Variants in PLXNB2 observed in about 807,000 individuals in gnomAD.
PLXNB2 encodes the protein plexin-B2.
Under a neutral mutation model 202.6 loss-of-function variants are expected in PLXNB2, and 85 were observed. That is an observed-to-expected ratio of 0.42 (90% CI 0.35 to 0.50). The LOEUF (loss-of-function observed/expected upper bound fraction) is 0.50. PLXNB2 is among the 20% of genes least tolerant of loss of function. The pLI, the probability that PLXNB2 is intolerant of heterozygous loss-of-function variation, is 0.02. For missense variants in PLXNB2, 2,063 were observed against 2,586.2 expected, an observed-to-expected ratio of 0.80 and a Z score of 4.39; for synonymous variants, 1,239 against 1,137.6, an observed-to-expected ratio of 1.09 and a Z score of -1.79.
chr22:50,280,407 C>T, intron 25 of PLXNB2, 82 bp downstream of exon 25: 1 of 1,357,070 alleles, frequency 7.4e-7, no homozygotes, highest in Non-Finnish European at 9.9e-7. Flanking sequence ...GCCCAACAGG[C>T]CGCTGTGCCA....
rs1378857092 is a variant in PLXNB2 at position 50,275,243 on chromosome 22, G to A, written c.*461C>T. The A allele has an allele frequency of 1.3e-5, 5 of 370,964 alleles. No individual in the cohort carries two copies. Among genetic ancestry groups the A allele is most frequent in the East Asian group, 7.6e-5 (1 of 13,206 alleles). The allele number at this position is 370,964 out of a possible 1,614,324, so 23.0% of individuals were successfully genotyped here. A position where few individuals can be genotyped will look rare whatever the true frequency, so the allele number is the denominator to read the frequency against. The stretch of plus-strand genomic sequence containing the variant: ...AGGCCGGTGAGGTCAGGAAGGCATC[G>A]TACCGCTTTTTCTCCTCCTCCCATC... On this transcript the variant is annotated 3_prime_UTR_variant, in exon 37 of 37. Coordinates refer to ENST00000359337, the MANE Select transcript of PLXNB2 (RefSeq NM_012401.4).
At chr22:50,298,087 C>A (rs2067403956) in intron 1 of PLXNB2, among the ~76,000 whole-genome samples, 1 of 152,242 alleles carries the variant, frequency 6.6e-6, no homozygotes, top group Admixed American at 6.5e-5. Context: ...CCTGCCCCAA[C>A]AAGTCCAAAC....
intron 1 of PLXNB2, among the ~76,000 whole-genome samples, chr22:50,301,986 C>G (rs1240391238): frequency 6.6e-6 from 1 of 152,240 alleles, no homozygotes; most frequent in Non-Finnish European, 1.5e-5. Context: ...ACCCAGAACT[C>G]GTCCCCAGTA....
In PLXNB2 at chr22:50,284,287, C is replaced by T; in HGVS notation, c.2182-74G>A. 7.1e-7 allele frequency: 1 copy of T among 1,404,576 alleles called. No individual in the cohort carries two copies. The highest frequency in any genetic ancestry group is 1.0e-6 in the Non-Finnish European group (1 of 995,268). The allele number at this position is 1,404,576 out of a possible 1,614,324, so 87.0% of individuals were successfully genotyped here. On this transcript the variant is annotated intron_variant, in intron 12 of 36. Coordinates refer to ENST00000359337, the MANE Select transcript of PLXNB2 (RefSeq NM_012401.4). The surrounding 1 kb of genome is among the most constrained non-coding windows in gnomAD (Gnocchi z 8.0). ...CGTGGGGCGGGGGTCACAAGGGCAG[C>T]CTCCCTGTGGCCACCGGGTCCCTTC...
chr22:50,277,832 G>A (rs766494089), intron 32 of PLXNB2, 21 bp downstream of exon 32: 55 of 1,608,152 alleles, frequency 3.4e-5, no homozygotes, highest in South Asian at 7.7e-5. Flanking sequence ...GCTGGGCCGC[G>A]GGGTGGGTGT....
rs1356074125 is a variant in PLXNB2 at position 50,284,635 on chromosome 22, G to C, written c.2119C>G (p.Leu707Val). The change falls in exon 12 of 37, where the codon CTC becomes GTC. Residue 707 changes from leucine to valine, a missense_variant. Coordinates refer to ENST00000359337, the MANE Select transcript of PLXNB2 (RefSeq NM_012401.4). The surrounding 1 kb of genome is among the most constrained non-coding windows in gnomAD (Gnocchi z 8.0). Reference sequence around the variant, plus strand: ...ATGGTCACCGGCTCCATGAACTTGAGCAAGTCACTGCCCACGTGCAGGGAG... The same window carrying C: ...ATGGTCACCGGCTCCATGAACTTGACCAAGTCACTGCCCACGTGCAGGGAG... ...GSSLHVGSDLLKFMEPVTMQE... is the reference protein window; with the variant it reads ...GSSLHVGSDLVKFMEPVTMQE... 2 of 1,612,686 alleles carry C rather than the reference G, an allele frequency of 1.2e-6. No homozygotes were observed.
intron 27 of PLXNB2, among the ~76,000 whole-genome samples, chr22:50,279,229 G>A (rs1429183176): frequency 6.6e-6 from 1 of 152,160 alleles, no homozygotes; most frequent in African/African-American, 2.4e-5. Flanking sequence ...GACGGGGACG[G>A]CTCAGAACCG....
At chr22:50,278,052 G>A (rs769904329) in intron 31 of PLXNB2, 39 bp from the exon 32 acceptor site, 33 of 1,597,070 alleles carry the variant, frequency 2.1e-5, no homozygotes, top group South Asian at 8.8e-5. Flanking sequence ...CCGTGGGCGC[G>A]GCTCCTGGGG....
Position 50,288,328 on chromosome 22 carries a change from G to A in PLXNB2, c.1381-291C>T, listed in dbSNP as rs2066619752. Reference sequence around the variant, plus strand: ...GGGTGCTCCTAGGGCTGGCCTGAGGGTCTCTGGCACTAACCCCCCACAAGC... The same window carrying A: ...GGGTGCTCCTAGGGCTGGCCTGAGGATCTCTGGCACTAACCCCCCACAAGC... On this transcript the variant is annotated intron_variant, in intron 5 of 36. Coordinates refer to ENST00000359337, the MANE Select transcript of PLXNB2 (RefSeq NM_012401.4). This position sits in a 1 kb window ranked among gnomAD's most constrained non-coding sequence, Gnocchi z 5.0. 6.6e-6 allele frequency among the ~76,000 whole-genome samples: 1 copy of A among 152,056 alleles called. No individual in the cohort carries two copies. The highest frequency in any genetic ancestry group is 6.5e-5 in the Admixed American group (1 of 15,272).
In PLXNB2 at chr22:50,287,982, C is replaced by T. The variant is rs773103653; in HGVS notation, c.1436G>A (p.Arg479His). 1.9e-5 allele frequency: 30 copies of T among 1,582,816 alleles called. No individual in the cohort carries two copies. Among genetic ancestry groups the T allele is most frequent in the East Asian group, 1.2e-4 (5 of 42,804 alleles). ...CLSYPTCTQC[R>H]DSQDPYCGWC... Reference sequence around the variant, plus strand: ...GCCGCAGTAGGGGTCCTGGGAGTCGCGGCACTGGGTGCAGGTCGGGTAGCT... The same window carrying T: ...GCCGCAGTAGGGGTCCTGGGAGTCGTGGCACTGGGTGCAGGTCGGGTAGCT... The change falls in exon 6 of 37, where the codon CGC becomes CAC. Residue 479 changes from arginine to histidine, a missense_variant. By Grantham distance (29) the Arg-to-His change is conservative. This residue lies in a region of PLXNB2 where 1,303 missense variants were observed against 1,476.8 expected (regional missense o/e 0.88). Transcript: ENST00000359337.
In PLXNB2 at chr22:50,283,711, T is replaced by G. The variant is rs780232837; in HGVS notation, c.2461A>C (p.Ile821Leu). Reference sequence around the variant, plus strand: ...CCCAAATTGGACCCCAGGATGGTGATGCGGATGCCCCCACCCAGGGGGCCC... The same window carrying G: ...CCCAAATTGGACCCCAGGATGGTGAGGCGGATGCCCCCACCCAGGGGGCCC... ...ETGPLGGGIR[I>L]TILGSNLGVQ... is the part of the protein sequence containing the mutation. The change falls in exon 15 of 37, where the codon ATC (isoleucine) becomes CTC (leucine). Residue 821 changes from isoleucine (I) to leucine (L), a missense_variant. This residue lies in a region of PLXNB2 where 1,303 missense variants were observed against 1,476.8 expected (regional missense o/e 0.88). Coordinates refer to ENST00000359337, the MANE Select transcript of PLXNB2 (RefSeq NM_012401.4). 2 of 1,612,832 alleles carry G rather than the reference T, an allele frequency of 1.2e-6. No homozygotes were observed. The highest frequency in any genetic ancestry group is 1.1e-5 in the South Asian group (1 of 91,052).
chr22:50,305,549 G>A (rs551716474), intron 1 of PLXNB2, among the ~76,000 whole-genome samples: 1 of 152,342 alleles, frequency 6.6e-6, no homozygotes, highest in East Asian at 1.9e-4. Context: ...GGGGGTCGTA[G>A]GCAAGGACTG....
intron 1 of PLXNB2, among the ~76,000 whole-genome samples, chr22:50,295,385 T>C (rs563647893): frequency 1.3e-5 from 2 of 151,986 alleles, no homozygotes; most frequent in African/African-American, 4.8e-5. Context: ...ACTAGCTGTG[T>C]GACGTTGGGC....
chr22:50,307,064 G>A (rs1392397159), intron 1 of PLXNB2, among the ~76,000 whole-genome samples: 1 of 152,212 alleles, frequency 6.6e-6, no homozygotes, highest in Non-Finnish European at 1.5e-5. Flanking sequence ...AGGAGGCCCA[G>A]GCAGTGGGGT....
At position 50,296,162 on chromosome 22, in the gene PLXNB2, G is replaced by A. The variant is rs115491622; in HGVS notation, c.-73-1384C>T. Among the ~76,000 whole-genome samples the A allele has an allele frequency of 8.4e-3, 1,258 of 150,576 alleles. 18 individuals are homozygous for A. Among genetic ancestry groups the A allele is most frequent in the African/African-American group, 0.03 (1,210 of 40,804 alleles). ...GCAAGGAGGAGGCCACGGCAGTCCAGCCCAGGCCAGAGTGAGACTGTCTCA... is the reference window on the plus strand; with the variant it reads ...GCAAGGAGGAGGCCACGGCAGTCCAACCCAGGCCAGAGTGAGACTGTCTCA... On this transcript the variant is annotated intron_variant, in intron 1 of 36. Coordinates refer to ENST00000359337, the MANE Select transcript of PLXNB2 (RefSeq NM_012401.4).
chr22:50,286,872 G>A (rs28366595), intron 8 of PLXNB2, among the ~76,000 whole-genome samples: 17,108 of 152,210 alleles, frequency 0.11, 1,060 homozygotes, highest in East Asian at 0.31. Flanking sequence ...GCAGGCTGAA[G>A]ACAAGTCACC....
intron 2 of PLXNB2, among the ~76,000 whole-genome samples, chr22:50,290,985 C>G (rs941696829): frequency 1.3e-5 from 2 of 152,110 alleles, no homozygotes. Flanking sequence ...TCCAGGTGGT[C>G]GGGACGCACC....
chr22:50,295,012 T>C (rs1248010437), intron 1 of PLXNB2, among the ~76,000 whole-genome samples: 2 of 152,140 alleles, frequency 1.3e-5, no homozygotes, highest in Non-Finnish European at 2.9e-5. Flanking sequence ...GGCTATTACT[T>C]TGCTTAAAAT....
intron 8 of PLXNB2, 59 bp from the exon 9 acceptor site, chr22:50,286,346 G>T: frequency 7.7e-7 from 1 of 1,290,612 alleles, no homozygotes; most frequent in South Asian, 1.2e-5. Flanking sequence ...GGGCCAGGCT[G>T]GGCCTCCCCT....
Sources: gnomAD v4.1 joint callset for allele counts (sites outside exome capture counted in the v4.1 genomes callset) on GRCh38, gnomAD v4.1.1 for gene constraint, gnomAD v4.1.1 regional missense constraint, Gnocchi (gnomAD v3.1) non-coding constraint, MANE v1.5 for transcripts, NCBI Gene and HGNC (gene_info 2026-07-23, HGNC 2026-07-21) for gene names.